ALG6: variants seen among roughly 807,000 people sequenced by gnomAD.
The protein encoded by ALG6 is ALG6 alpha-1,3-glucosyltransferase.
A neutral mutation model predicts 66.6 loss-of-function variants in ALG6; 46 were observed. That is an observed-to-expected ratio of 0.69 (90% CI 0.55 to 0.88). The LOEUF is 0.88. Ranked by LOEUF, ALG6 falls within the 40% of genes least tolerant of loss-of-function variation. ALG6 has a pLI of 0.00. For missense variants in ALG6, 505 were observed against 586.8 expected (o/e 0.86, Z 1.44); for synonymous variants, 185 against 203.7 (o/e 0.91, Z 0.78).
chr1:63,420,300 A>T (rs1330036543), intron 12 of ALG6, among the ~76,000 whole-genome samples: 1 of 152,126 alleles, frequency 6.6e-6, no homozygotes, highest in East Asian at 1.9e-4. Context: ...GCTTACCACT[A>T]TTGTATGAGG....
rs1372604222 is a variant in ALG6 at position 63,422,387 on chromosome 1, A to T, written c.1058+2947A>T. Among the ~76,000 whole-genome samples the T allele has an allele frequency of 1.9e-4, 20 of 102,876 alleles. 1 individual carries two copies. The East Asian group carries it at 4.2e-3, about 21-fold the overall frequency. The allele number at this position is 102,876 out of a possible 152,430, so 67.5% of individuals were successfully genotyped here. ...TATAAATATATATAAGTATAAATAT[A>T]TATAAATATATATCTATATAAATAT... On this transcript the variant is annotated intron_variant, in intron 12 of 14. Coordinates refer to ENST00000263440, the MANE Select transcript of ALG6 (RefSeq NM_013339.4).
rs373857344 is a variant in ALG6 at position 63,371,089 on chromosome 1, A to C, written c.82+30A>C. 9.0e-5 allele frequency: 137 copies of C among 1,514,260 alleles called. No homozygotes were observed. Among genetic ancestry groups the C allele is most frequent in the Admixed American group, 5.3e-4 (32 of 59,862 alleles). The allele number at this position is 1,514,260 out of a possible 1,614,324, so 93.8% of individuals were successfully genotyped here. Reference sequence around the variant, plus strand: ...TACATTTTTACTGGTTAAAAAAAAAACGAAATTTTCCTTTGAATAGGTGTT... The same window carrying C: ...TACATTTTTACTGGTTAAAAAAAAACCGAAATTTTCCTTTGAATAGGTGTT... On this transcript the variant is annotated intron_variant, in intron 2 of 14. Coordinates refer to ENST00000263440, the MANE Select transcript of ALG6 (RefSeq NM_013339.4).
intron 4 of ALG6, 137 bp from the exon 5 acceptor site, chr1:63,404,316 A>G: frequency 3.9e-6 from 3 of 760,120 alleles, no homozygotes; most frequent in Non-Finnish European, 2.4e-6. Flanking sequence ...AAAGAGTAAA[A>G]CTTAAGCATT....
chr1:63,372,906 C>T (rs1647980578), intron 2 of ALG6, among the ~76,000 whole-genome samples: 1 of 151,964 alleles, frequency 6.6e-6, no homozygotes, highest in Middle Eastern at 3.2e-3. Context: ...GATCTGCCTG[C>T]CTCGGCCTCC....
At chr1:63,391,307 C>T (rs915958621) in intron 2 of ALG6, among the ~76,000 whole-genome samples, 5 of 151,976 alleles carry the variant, frequency 3.3e-5, no homozygotes, top group Non-Finnish European at 7.4e-5. Flanking sequence ...AATGAAGACC[C>T]GAAGAAACAG....
At chr1:63,420,034 TCAATCC>T (rs1644565544) in intron 12 of ALG6, among the ~76,000 whole-genome samples, 1 of 152,258 alleles carries the variant, frequency 6.6e-6, no homozygotes, top group Non-Finnish European at 1.5e-5. Context: ...CTCCTCTAGG[TCAATCC>T]CAACCCACTA....
intron 2 of ALG6, among the ~76,000 whole-genome samples, chr1:63,379,396 G>C (rs190651853): frequency 6.6e-6 from 1 of 152,116 alleles, no homozygotes; most frequent in South Asian, 2.1e-4. Flanking sequence ...ACTCTTTTTC[G>C]TTTTTCCTGT....
chr1:63,435,039 G>T (rs1008163891), intron 14 of ALG6, among the ~76,000 whole-genome samples: 6 of 152,152 alleles, frequency 3.9e-5, no homozygotes, highest in Admixed American at 2.6e-4. Flanking sequence ...CTGACCATGG[G>T]ATTTACTACA....
chr1:63,434,026 A>G (rs1644662712), intron 14 of ALG6, among the ~76,000 whole-genome samples: 1 of 152,226 alleles, frequency 6.6e-6, no homozygotes, highest in Admixed American at 6.5e-5. Flanking sequence ...AGTGAACATC[A>G]TGGAGGTCAT....
intron 2 of ALG6, among the ~76,000 whole-genome samples, chr1:63,373,913 C>T (rs530506381): frequency 3.0e-4 from 46 of 152,070 alleles, no homozygotes; most frequent in African/African-American, 7.7e-4. Flanking sequence ...TGAGCCACTG[C>T]GCCCAATTTT....
intron 14 of ALG6, among the ~76,000 whole-genome samples, chr1:63,432,720 A>C (rs997028798): frequency 1.3e-5 from 2 of 152,224 alleles, no homozygotes; most frequent in Non-Finnish European, 2.9e-5. Flanking sequence ...ATGATACATG[A>C]ATAAGTATAT....
In ALG6 at chr1:63,370,851, G is replaced by C. The variant is rs765350120; in HGVS notation, c.-127G>C. ...AAAATTCTCTCAAACTCCTAATTGC[G>C]AAGAATCGATAACATTTCAAGAAGT... On this transcript the variant is annotated 5_prime_UTR_variant, in exon 2 of 15. Coordinates refer to ENST00000263440, the MANE Select transcript of ALG6 (RefSeq NM_013339.4). 2 of 739,360 alleles carry C rather than the reference G, an allele frequency of 2.7e-6. No homozygotes were observed. The highest frequency in any genetic ancestry group is 1.7e-5 in the African/African-American group (1 of 57,158). The allele number at this position is 739,360 out of a possible 1,614,324, so 45.8% of individuals were successfully genotyped here.
chr1:63,403,906 G>A (rs563765339), intron 4 of ALG6, among the ~76,000 whole-genome samples: 1 of 152,272 alleles, frequency 6.6e-6, no homozygotes, highest in Admixed American at 6.5e-5. Flanking sequence ...GTCGTTATGA[G>A]TGTATTTAAT....
intron 2 of ALG6, among the ~76,000 whole-genome samples, chr1:63,391,259 C>T (rs1433564444): frequency 1.3e-5 from 2 of 152,094 alleles, no homozygotes; most frequent in Non-Finnish European, 2.9e-5. Context: ...AAAAACATAA[C>T]GCATTTATTG....
At chr1:63,369,678 A>T (rs1647844787) in intron 1 of ALG6, among the ~76,000 whole-genome samples, 1 of 152,120 alleles carries the variant, frequency 6.6e-6, no homozygotes, top group Non-Finnish European at 1.5e-5. Flanking sequence ...TTAGATCATT[A>T]GGTGGAATGT....
chr1:63,417,145 A>G (rs988188593), intron 11 of ALG6, among the ~76,000 whole-genome samples: 4 of 152,108 alleles, frequency 2.6e-5, no homozygotes, highest in African/African-American at 9.7e-5. Flanking sequence ...TTAATATTCT[A>G]TTGGATAGTT....
At chr1:63,432,349 C>T (rs1259556294) in intron 14 of ALG6, among the ~76,000 whole-genome samples, 2 of 151,838 alleles carry the variant, frequency 1.3e-5, no homozygotes, top group Admixed American at 6.6e-5. Flanking sequence ...ATAAATCCTA[C>T]TGGATCATGG....
At chr1:63,419,349 T>C in intron 11 of ALG6, 21 bp from the exon 12 acceptor site, 1 of 1,586,978 alleles carries the variant, frequency 6.3e-7, no homozygotes, top group Non-Finnish European at 8.6e-7. Flanking sequence ...ATATCTCATT[T>C]CCCCCCCTTT....
At chr1:63,423,066 C>T (rs910146582) in intron 12 of ALG6, among the ~76,000 whole-genome samples, 1 of 150,812 alleles carries the variant, frequency 6.6e-6, no homozygotes, top group Non-Finnish European at 1.5e-5. Context: ...CTCTGTCACC[C>T]ATGCTAGAGT....
Sources: allele counts gnomAD v4.1 joint callset (sites outside exome capture counted in the v4.1 genomes callset), GRCh38; gene constraint gnomAD v4.1.1; transcripts MANE v1.5; gene names NCBI Gene and HGNC (gene_info 2026-07-23, HGNC 2026-07-21).